The following RDX variants were observed in gnomAD, a reference collection of about 807,000 sequenced individuals.
RDX encodes radixin.
Under a neutral mutation model 83.7 loss-of-function variants are expected in RDX, and 32 were observed. That is an observed-to-expected ratio of 0.38 (90% CI 0.29 to 0.51). The LOEUF (loss-of-function observed/expected upper bound fraction) is 0.51. Ranked by LOEUF, RDX falls within the 20% of genes least tolerant of loss-of-function variation. The pLI is 0.87. For missense variants in RDX, 600 were observed against 689.9 expected (o/e 0.87, Z 1.46); for synonymous variants, 229 against 222.7 (o/e 1.03, Z -0.25).
intron 14 of RDX, among the ~76,000 whole-genome samples, chr11:110,208,543 C>T (rs1863688399): frequency 1.3e-5 from 2 of 152,208 alleles, no homozygotes; most frequent in African/African-American, 2.4e-5. Context: ...TATTGGGTGG[C>T]TTAAAAAGCC....
intron 7 of RDX, 75 bp downstream of exon 7, chr11:110,257,692 A>G: frequency 6.7e-7 from 1 of 1,493,642 alleles, no homozygotes; most frequent in Non-Finnish European, 9.3e-7. Flanking sequence ...AACTACTTTG[A>G]AAAACAGGAC....
chr11:110,289,459 A>G (rs1041879922), intron 1 of RDX, among the ~76,000 whole-genome samples: 2 of 152,168 alleles, frequency 1.3e-5, no homozygotes, highest in African/African-American at 4.8e-5. Flanking sequence ...TTTGCTGAAT[A>G]GCCAAACTAA....
In RDX at chr11:110,232,516, G is replaced by GA. The variant is rs545764975; in HGVS notation, c.1588-484_1588-483insT. On this transcript the variant is annotated intron_variant, in intron 13 of 13. Transcript: ENST00000645495. ...TCTACTTTGACCTAGTTATGTCCAT[G>GA]TAATATACTGACCTTTTGCCAATAT... Among the ~76,000 whole-genome samples, 15 of 152,008 alleles carry GA rather than the reference G, an allele frequency of 9.9e-5. No individual in the cohort carries two copies. In the South Asian group the frequency reaches 3.1e-3, roughly 32 times the overall value.
At chr11:110,239,333 A>G (rs1179454035) in intron 10 of RDX, among the ~76,000 whole-genome samples, 1 of 152,192 alleles carries the variant, frequency 6.6e-6, no homozygotes, top group Non-Finnish European at 1.5e-5. Flanking sequence ...AAGAGAGATA[A>G]TGGGTGTTAC....
chr11:110,202,792 T>C (rs553081905), intron 14 of RDX, among the ~76,000 whole-genome samples: 12 of 151,942 alleles, frequency 7.9e-5, no homozygotes, highest in African/African-American at 2.9e-4. Context: ...CTCAACATCA[T>C]TGAGCATCAG....
rs1865195076 is a variant in RDX, at chr11:110,243,792, G to A, written c.1090+3911C>T. Reference sequence around the variant, plus strand: ...AGACACTCAACGTCACCAGGTATTAGAGATATGCAATAAAAACTATAAAAT... The same window carrying A: ...AGACACTCAACGTCACCAGGTATTAAAGATATGCAATAAAAACTATAAAAT... On this transcript the variant is annotated intron_variant, in intron 10 of 13. Transcript: ENST00000645495. Among the ~76,000 whole-genome samples, 3 of 151,684 alleles carry A rather than the reference G, an allele frequency of 2.0e-5. No individual in the cohort carries two copies. In the South Asian group the frequency reaches 6.2e-4, roughly 31 times the overall value.
At chr11:110,261,658 C>T (rs1859810564) in intron 5 of RDX, among the ~76,000 whole-genome samples, 1 of 152,080 alleles carries the variant, frequency 6.6e-6, no homozygotes, top group Non-Finnish European at 1.5e-5. Flanking sequence ...ATGACTAAGT[C>T]TCATTTTAAG....
rs551984595 is a variant in RDX, at chr11:110,177,238, C to T, written c.*32-2004G>A. On this transcript the variant is annotated intron_variant, in intron 15 of 15. Coordinates refer to the RDX transcript ENST00000528498. ...CCACTCCCTGGCTGAGGCCTGAGGC[C>T]GCGACAGTGCGAACTCCTGTGGGAA... Among the ~76,000 whole-genome samples the T allele has an allele frequency of 7.9e-5, 12 of 152,338 alleles. No individual in the cohort carries two copies. The East Asian group carries it at 9.6e-4, about 12-fold the overall frequency.
At position 110,255,375 on chromosome 11, in the gene RDX, TAGGTG is replaced by T; in HGVS notation, c.704_708del (p.Thr235LysfsTer8). ...ATTTCACTCCAGGGAAAACCAATTT[TAGGTG>T]TTAACCTTAAAAAATGAAAGCATCT... On this transcript the variant is annotated frameshift_variant, in exon 8 of 14. Transcript: ENST00000645495. LOFTEE classifies it high-confidence loss of function. 1 of 1,537,054 alleles carries T rather than the reference TAGGTG, an allele frequency of 6.5e-7. No individual in the cohort carries two copies. Among genetic ancestry groups the T allele is most frequent in the Non-Finnish European group, 9.0e-7 (1 of 1,110,506 alleles).
chr11:110,197,628 A>G (rs965003334), intron 15 of RDX, among the ~76,000 whole-genome samples: 29 of 152,368 alleles, frequency 1.9e-4, no homozygotes, highest in African/African-American at 6.7e-4. Context: ...ATGAAAATCA[A>G]GGAGGAAAAA....
At chr11:110,265,171 G>A (rs1460705569) in intron 3 of RDX, among the ~76,000 whole-genome samples, 1 of 133,572 alleles carries the variant, frequency 7.5e-6, no homozygotes, top group South Asian at 2.4e-4. Flanking sequence ...TTGGCTCACC[G>A]CAACTTCCGT....
At chr11:110,220,155 T>C (rs1864195541) in intron 14 of RDX, among the ~76,000 whole-genome samples, 1 of 152,138 alleles carries the variant, frequency 6.6e-6, no homozygotes, top group Non-Finnish European at 1.5e-5. Flanking sequence ...TCTAAGAGAA[T>C]CATAACTAGA....
chr11:110,218,362 T>G (rs1565297505), intron 14 of RDX, among the ~76,000 whole-genome samples: 1 of 152,170 alleles, frequency 6.6e-6, no homozygotes, highest in East Asian at 1.9e-4. Flanking sequence ...TCGTAATAGA[T>G]TTTTTTCCCC....
chr11:110,248,727 G>A (rs941103933), intron 9 of RDX, among the ~76,000 whole-genome samples: 4 of 151,984 alleles, frequency 2.6e-5, no homozygotes, highest in Admixed American at 6.6e-5. Context: ...TAGATTAACC[G>A]GAGACCTCCA....
rs545368334 is a variant in RDX, at chr11:110,235,109, T to C, written c.1344+990A>G. ...GGCTTACACCTACAATCCCAGCACTTTGGGGGCTGAGATGGGAGGGCTGCT... is the reference window on the plus strand; with the variant it reads ...GGCTTACACCTACAATCCCAGCACTCTGGGGGCTGAGATGGGAGGGCTGCT... On this transcript the variant is annotated intron_variant, in intron 12 of 13. Coordinates refer to ENST00000645495, the MANE Select transcript of RDX (RefSeq NM_002906.4). Among the ~76,000 whole-genome samples, 30 of 152,080 alleles carry C rather than the reference T, an allele frequency of 2.0e-4. 1 individual carries two copies. The South Asian group carries it at 4.8e-3, about 24-fold the overall frequency.
intron 1 of RDX, 112 bp from the exon 2 acceptor site, chr11:110,279,868 A>G (rs952587533): frequency 3.0e-5 from 16 of 541,212 alleles, no homozygotes; most frequent in African/African-American, 2.8e-4. Flanking sequence ...ATTTAAAGTA[A>G]CAAGGAGTGA....
At chr11:110,283,239 C>T (rs1217317387) in intron 1 of RDX, among the ~76,000 whole-genome samples, 3 of 152,172 alleles carry the variant, frequency 2.0e-5, no homozygotes, top group East Asian at 3.9e-4. Flanking sequence ...CTGCAACCTC[C>T]GCCTTCCAGG....
chr11:110,202,949 T>C (rs1863468990), intron 14 of RDX, among the ~76,000 whole-genome samples: 1 of 152,074 alleles, frequency 6.6e-6, no homozygotes, highest in South Asian at 2.1e-4. Flanking sequence ...TGTAAATTAG[T>C]ACAACCACTA....
At chr11:110,187,971 G>A (rs1249176975) in intron 15 of RDX, among the ~76,000 whole-genome samples, 2 of 152,220 alleles carry the variant, frequency 1.3e-5, no homozygotes, top group Non-Finnish European at 2.9e-5. Flanking sequence ...GCCAACAGAA[G>A]TGCATAGGGC....
Sources: gnomAD v4.1 joint callset for allele counts (sites outside exome capture counted in the v4.1 genomes callset) on GRCh38, gnomAD v4.1.1 for gene constraint, MANE v1.5 for transcripts, NCBI Gene and HGNC (gene_info 2026-07-23, HGNC 2026-07-21) for gene names.